RABGAP1L: variants seen among roughly 807,000 people sequenced by gnomAD.
RABGAP1L encodes rab GTPase-activating protein 1-like.
Under a neutral mutation model 137.7 loss-of-function variants are expected in RABGAP1L, and 63 were observed. The observed-to-expected ratio is 0.46, with a 90% CI of 0.37 to 0.56. RABGAP1L has a LOEUF of 0.56. Among genes scored for constraint, RABGAP1L ranks in the 20% least tolerant of loss-of-function variants. The pLI is 0.00. For synonymous variants in RABGAP1L, 431 were observed against 433.7 expected (o/e 0.99, Z 0.08); for missense variants, 1,095 against 1,244.0 (o/e 0.88, Z 1.80).
intron 13 of RABGAP1L, among the ~76,000 whole-genome samples, chr1:174,633,052 G>T (rs1327609154): frequency 6.6e-6 from 1 of 152,092 alleles, no homozygotes; most frequent in Non-Finnish European, 1.5e-5. Flanking sequence ...GCAGGAGAAG[G>T]AAATAAAGGG....
chr1:174,878,925 GTTTTTTTTTTT>G (rs869251284), intron 19 of RABGAP1L, among the ~76,000 whole-genome samples: 9 of 85,148 alleles, frequency 1.1e-4, no homozygotes, highest in Admixed American at 4.3e-4. Context: ...TTTGTGCATT[GTTTTTTTTTTT>G]TTTTTTTTTT....
At chr1:174,853,235 T>TA (rs953798290) in intron 19 of RABGAP1L, among the ~76,000 whole-genome samples, 1 of 151,558 alleles carries the variant, frequency 6.6e-6, no homozygotes, top group African/African-American at 2.4e-5. Flanking sequence ...GTTGTTTTTT[T>TA]TTTTTTTAAC....
chr1:174,686,253 A>G (rs1272524571), intron 15 of RABGAP1L, among the ~76,000 whole-genome samples: 1 of 152,206 alleles, frequency 6.6e-6, no homozygotes. Context: ...CCTGATTTTA[A>G]TTATAATAGT....
chr1:174,969,272 T>C lies in RABGAP1L; in HGVS notation c.2434-5T>C, dbSNP rs950417727. The C allele has an allele frequency of 1.2e-5, 19 of 1,547,502 alleles. No homozygotes were observed. The Admixed American group carries it at 2.4e-4, about 19-fold the overall frequency. The stretch of plus-strand genomic sequence containing the variant: ...TGCCCACCTCTGGCTATTGTTCTTC[T>C]GCAGAGGGAGAACCGAAGATTACAG... On this transcript the variant is annotated splice_polypyrimidine_tract_variant and splice_region_variant and intron_variant, in intron 20 of 25. Coordinates refer to ENST00000681986, the MANE Select transcript of RABGAP1L (RefSeq NM_001366446.1).
At chr1:174,675,312 G>T (rs1166449919) in intron 14 of RABGAP1L, among the ~76,000 whole-genome samples, 1 of 151,204 alleles carries the variant, frequency 6.6e-6, no homozygotes, top group Non-Finnish European at 1.5e-5. Flanking sequence ...CATATGGCTA[G>T]CCAGTTTTCC....
At chr1:174,584,843 T>A (rs1669001400) in intron 13 of RABGAP1L, among the ~76,000 whole-genome samples, 1 of 152,154 alleles carries the variant, frequency 6.6e-6, no homozygotes, top group Non-Finnish European at 1.5e-5. Context: ...TATGTGTTTT[T>A]TTTTTTAATC....
At chr1:174,627,307 T>TA (rs1402737447) in intron 13 of RABGAP1L, among the ~76,000 whole-genome samples, 1 of 152,182 alleles carries the variant, frequency 6.6e-6, no homozygotes, top group Admixed American at 6.5e-5. Context: ...AAATTGGTCA[T>TA]AAAAAATAAT....
chr1:174,861,397 G>A (rs779223839), intron 19 of RABGAP1L, among the ~76,000 whole-genome samples: 18 of 152,048 alleles, frequency 1.2e-4, no homozygotes, highest in Non-Finnish European at 2.6e-4. Context: ...TGGTCATTAT[G>A]AATAATTCTG....
chr1:174,770,380 G>C (rs911470198), intron 18 of RABGAP1L, among the ~76,000 whole-genome samples: 1 of 152,046 alleles, frequency 6.6e-6, no homozygotes. Context: ...TATGAAACAG[G>C]GATCTGTATC....
At chr1:174,368,180 C>T (rs1044459197) in intron 11 of RABGAP1L, 2 of 152,204 alleles carry the variant, frequency 1.3e-5, no homozygotes, top group African/African-American at 4.8e-5. Context: ...ACCAATTTAT[C>T]CCATTCCTTT....
rs558708965 is a variant in RABGAP1L, at chr1:174,682,785, G to A, written c.1825-737G>A. Reference sequence around the variant, plus strand: ...ATATGATAGCTACTTTCCAAGGAATGCTGTATTTCTTACGAATTGGCCTCT... The same window carrying A: ...ATATGATAGCTACTTTCCAAGGAATACTGTATTTCTTACGAATTGGCCTCT... On this transcript the variant is annotated intron_variant, in intron 14 of 25. Coordinates refer to ENST00000681986, the MANE Select transcript of RABGAP1L (RefSeq NM_001366446.1). Among the ~76,000 whole-genome samples the A allele has an allele frequency of 5.9e-5, 9 of 152,346 alleles. No homozygotes were observed. In the East Asian group the frequency reaches 1.2e-3, roughly 20 times the overall value.
At chr1:174,354,508 G>A (rs1263117690) in intron 11 of RABGAP1L, among the ~76,000 whole-genome samples, 1 of 152,012 alleles carries the variant, frequency 6.6e-6, no homozygotes, top group Non-Finnish European at 1.5e-5. Context: ...TTTAAAAAAA[G>A]AGTCATAGAT....
intron 13 of RABGAP1L, among the ~76,000 whole-genome samples, chr1:174,495,151 A>G (rs1660626815): frequency 6.6e-6 from 1 of 152,102 alleles, no homozygotes; most frequent in African/African-American, 2.4e-5. Context: ...TTTTTACCAT[A>G]AGTGGTGTGT....
intron 1 of RABGAP1L, among the ~76,000 whole-genome samples, chr1:174,215,402 A>C (rs1669213100): frequency 6.6e-6 from 1 of 151,810 alleles, no homozygotes; most frequent in South Asian, 2.1e-4. Flanking sequence ...GGTTGCAGTG[A>C]GCCAATGTTG....
At chr1:174,360,128 T>C (rs1285229360) in intron 11 of RABGAP1L, among the ~76,000 whole-genome samples, 2 of 152,218 alleles carry the variant, frequency 1.3e-5, no homozygotes, top group Non-Finnish European at 2.9e-5. Flanking sequence ...GAAAATAATT[T>C]GGGAGATTGA....
At chr1:174,391,169 A>C (rs1037487423) in intron 12 of RABGAP1L, among the ~76,000 whole-genome samples, 4 of 152,158 alleles carry the variant, frequency 2.6e-5, no homozygotes, top group African/African-American at 9.7e-5. Context: ...AAACTTTTCA[A>C]GGAGAGATGC....
chr1:174,456,578 G>A (rs1215065857), intron 13 of RABGAP1L, among the ~76,000 whole-genome samples: 1 of 151,944 alleles, frequency 6.6e-6, no homozygotes, highest in Non-Finnish European at 1.5e-5. Context: ...TTATCAGTCA[G>A]GGAATCAGTG....
chr1:174,267,809 AAAGT>A (rs1011635333), intron 7 of RABGAP1L, among the ~76,000 whole-genome samples: 2 of 152,220 alleles, frequency 1.3e-5, no homozygotes, highest in Non-Finnish European at 2.9e-5. Flanking sequence ...TTTATAACTG[AAAGT>A]AAGAGAGTTT....
chr1:174,893,431 G>A (rs936290956), intron 19 of RABGAP1L, among the ~76,000 whole-genome samples: 70 of 152,152 alleles, frequency 4.6e-4, no homozygotes, highest in African/African-American at 1.6e-3. Flanking sequence ...AATACAAAGT[G>A]GTTTCCAAAG....
Sources: gnomAD v4.1 joint callset for allele counts (sites outside exome capture counted in the v4.1 genomes callset) on GRCh38, gnomAD v4.1.1 for gene constraint, MANE v1.5 for transcripts, NCBI Gene and HGNC (gene_info 2026-07-23, HGNC 2026-07-21) for gene names.